CSMD1: variants seen among roughly 807,000 people sequenced by gnomAD.
The protein encoded by CSMD1 is CUB and Sushi multiple domains 1.
Under a neutral mutation model 417.5 loss-of-function variants are expected in CSMD1, and 213 were observed. The ratio of observed to expected loss-of-function variants is 0.51; its 90% CI spans 0.46 to 0.57. CSMD1 has a LOEUF of 0.57. CSMD1 is among the 20% of genes least tolerant of loss of function. The pLI is 0.00. For synonymous variants in CSMD1, 2,862 were observed against 1,736.8 expected, an observed-to-expected ratio of 1.65 and a Z score of -16.11; for missense variants, 6,923 against 4,529.7, an observed-to-expected ratio of 1.53 and a Z score of -15.17.
At chr8:4,394,576 T>C (rs747897028) in intron 3 of CSMD1, among the ~76,000 whole-genome samples, 5 of 152,154 alleles carry the variant, frequency 3.3e-5, no homozygotes, top group Non-Finnish European at 5.9e-5. Context: ...TCAACCCATG[T>C]CTGTGGATGC....
At chr8:4,086,168 T>G (rs947353803) in intron 3 of CSMD1, among the ~76,000 whole-genome samples, 1 of 152,208 alleles carries the variant, frequency 6.6e-6, no homozygotes, top group Non-Finnish European at 1.5e-5. Flanking sequence ...AAAGTGCATA[T>G]AAGTAATTTA....
chr8:3,796,573 C>G (rs1165772892), intron 5 of CSMD1, among the ~76,000 whole-genome samples: 3 of 142,492 alleles, frequency 2.1e-5, no homozygotes, highest in South Asian at 4.4e-4. Flanking sequence ...ATATCTATAT[C>G]TAAGATATAA....
In CSMD1 at chr8:2,948,168, G is replaced by A. The variant is rs201323465; in HGVS notation, c.10402+1131C>T. 7.2e-5 allele frequency among the ~76,000 whole-genome samples: 11 copies of A among 151,994 alleles called. No homozygotes were observed. In the South Asian group the frequency reaches 1.2e-3, roughly 17 times the overall value. ...GGTGCCAAGGTTGTTACAAAAATGCGTTTCCTTTTATTTGTGGGTTGCAAC... is the reference window on the plus strand; with the variant it reads ...GGTGCCAAGGTTGTTACAAAAATGCATTTCCTTTTATTTGTGGGTTGCAAC... On this transcript the variant is annotated intron_variant, in intron 68 of 69. Transcript: ENST00000635120.
intron 39 of CSMD1, among the ~76,000 whole-genome samples, chr8:3,153,144 C>T (rs1819305410): frequency 6.6e-6 from 1 of 152,180 alleles, no homozygotes; most frequent in Non-Finnish European, 1.5e-5. Context: ...GCTAAACCCA[C>T]CAAAGCCAAG....
intron 3 of CSMD1, among the ~76,000 whole-genome samples, chr8:4,382,968 A>C (rs1219740244): frequency 6.6e-6 from 1 of 152,210 alleles, no homozygotes; most frequent in East Asian, 1.9e-4. Context: ...AGGGGATGAC[A>C]AAGAACTGAG....
At chr8:3,416,700 G>A (rs1007311137) in intron 12 of CSMD1, among the ~76,000 whole-genome samples, 1 of 152,154 alleles carries the variant, frequency 6.6e-6, no homozygotes, top group African/African-American at 2.4e-5. Context: ...CATTTCTCAT[G>A]TTGATGGCAT....
At chr8:4,278,653 A>G (rs1333696613) in intron 3 of CSMD1, among the ~76,000 whole-genome samples, 1 of 152,220 alleles carries the variant, frequency 6.6e-6, no homozygotes, top group Non-Finnish European at 1.5e-5. Context: ...CATAAAGTGT[A>G]GCTTTTTATT....
At chr8:4,002,026 G>C (rs960358540) in intron 4 of CSMD1, among the ~76,000 whole-genome samples, 4 of 152,148 alleles carry the variant, frequency 2.6e-5, no homozygotes, top group East Asian at 3.9e-4. Flanking sequence ...TATTAGAATT[G>C]TTTGTATAGC....
intron 5 of CSMD1, among the ~76,000 whole-genome samples, chr8:3,954,061 C>A (rs921636291): frequency 2.6e-5 from 4 of 152,082 alleles, no homozygotes; most frequent in African/African-American, 7.2e-5. Flanking sequence ...CTCCTGTCCC[C>A]GGGACCCCGC....
At chr8:4,928,537 C>G (rs1807029423) in intron 1 of CSMD1, among the ~76,000 whole-genome samples, 1 of 152,156 alleles carries the variant, frequency 6.6e-6, no homozygotes, top group Non-Finnish European at 1.5e-5. Context: ...CTTCTTCTCT[C>G]TGAAATAACA....
chr8:3,657,670 G>T (rs933701191), intron 7 of CSMD1, among the ~76,000 whole-genome samples: 5 of 152,080 alleles, frequency 3.3e-5, no homozygotes, highest in Non-Finnish European at 7.4e-5. Flanking sequence ...ACAAGGAAGG[G>T]AACATCACAC....
At chr8:4,373,993 T>G (rs1481721764) in intron 3 of CSMD1, among the ~76,000 whole-genome samples, 3 of 152,208 alleles carry the variant, frequency 2.0e-5, no homozygotes, top group Admixed American at 2.0e-4. Flanking sequence ...GAAAAGCCAG[T>G]ATGAACTATG....
chr8:4,801,342 T>TTGCTGC (rs199508693), intron 1 of CSMD1, among the ~76,000 whole-genome samples: 1 of 152,108 alleles, frequency 6.6e-6, no homozygotes, highest in Non-Finnish European at 1.5e-5. Context: ...GAGCTATAAA[T>TTGCTGC]TGCTGCTGCT....
chr8:4,399,794 C>T (rs896196367), intron 3 of CSMD1, among the ~76,000 whole-genome samples: 1 of 152,174 alleles, frequency 6.6e-6, no homozygotes, highest in African/African-American at 2.4e-5. Flanking sequence ...CTAAAAGATG[C>T]ATCTGCTTTT....
At chr8:3,666,309 G>C (rs1012576240) in intron 7 of CSMD1, among the ~76,000 whole-genome samples, 4 of 152,246 alleles carry the variant, frequency 2.6e-5, no homozygotes, top group South Asian at 4.1e-4. Flanking sequence ...CCGATGTGAA[G>C]AATATGCTTC....
chr8:3,487,359 G>T (rs990253341), intron 11 of CSMD1, among the ~76,000 whole-genome samples: 1 of 151,896 alleles, frequency 6.6e-6, no homozygotes, highest in Admixed American at 6.6e-5. Flanking sequence ...CCGCCACCAC[G>T]CCCGGCTAAT....
At chr8:3,448,214 G>A (rs1347461877) in intron 12 of CSMD1, among the ~76,000 whole-genome samples, 1 of 148,570 alleles carries the variant, frequency 6.7e-6, no homozygotes, top group Non-Finnish European at 1.5e-5. Flanking sequence ...TGTGTTTCCT[G>A]ATGGGGCCAA....
chr8:3,516,667 G>C (rs952757789), intron 10 of CSMD1, among the ~76,000 whole-genome samples: 1 of 152,002 alleles, frequency 6.6e-6, no homozygotes, highest in African/African-American at 2.4e-5. Context: ...ATAATGTATT[G>C]GGGTACAGGT....
At chr8:4,154,728 A>T (rs1796742469) in intron 3 of CSMD1, among the ~76,000 whole-genome samples, 2 of 152,216 alleles carry the variant, frequency 1.3e-5, no homozygotes, top group South Asian at 4.1e-4. Flanking sequence ...TTGTAGACCT[A>T]CCTTATGCAA....
Sources: allele counts gnomAD v4.1 joint callset (sites outside exome capture counted in the v4.1 genomes callset), GRCh38; gene constraint gnomAD v4.1.1; transcripts MANE v1.5; gene names NCBI Gene and HGNC (gene_info 2026-07-23, HGNC 2026-07-21).